RERE: variants seen among roughly 807,000 people sequenced by gnomAD.
The protein encoded by RERE is arginine-glutamic acid dipeptide repeats protein.
In RERE, 40 loss-of-function variants were observed where a neutral mutation model predicts 146.1. That is an observed-to-expected ratio of 0.27 (90% CI 0.21 to 0.36). RERE has a LOEUF of 0.36. Among genes scored for constraint, RERE ranks in the 10% least tolerant of loss-of-function variants. The pLI is 1.00. For missense variants in RERE, 1,933 were observed against 2,138.7 expected, an observed-to-expected ratio of 0.90 and a Z score of 1.90; for synonymous variants, 1,003 against 866.0, an observed-to-expected ratio of 1.16 and a Z score of -2.78.
chr1:8,787,698 G>A (rs749940473), intron 1 of RERE, among the ~76,000 whole-genome samples: 1 of 151,886 alleles, frequency 6.6e-6, no homozygotes, highest in South Asian at 2.1e-4. Flanking sequence ...AGGCGTCGTG[G>A]TGGGTGCCTG....
chr1:8,796,003 AC>A lies in RERE; in HGVS notation c.-145+21156del, dbSNP rs1341331198. On this transcript the variant is annotated intron_variant, in intron 1 of 22. Transcript: ENST00000400908. ...GTCTCAAAAAAAAAAAAAAAACAAA[AC>A]AAAACAGGAATTATGTAGCATATAT... 2.7e-3 allele frequency among the ~76,000 whole-genome samples: 411 copies of A among 149,908 alleles called. 27 individuals are homozygous for A. Among genetic ancestry groups the A allele is most frequent in the African/African-American group, 7.3e-3 (296 of 40,426 alleles).
At position 8,581,885 on chromosome 1, in the gene RERE, T is replaced by A. The variant is rs923226533; in HGVS notation, c.523-24362A>T. Among the ~76,000 whole-genome samples, 4 of 152,268 alleles carry A rather than the reference T, an allele frequency of 2.6e-5. No homozygotes were observed. The South Asian group carries it at 8.3e-4, about 32-fold the overall frequency. ...ATATTTACATGAAACAAAATATTGG[T>A]GTAATAGGTACATAGAGATTTTTTT... On this transcript the variant is annotated intron_variant, in intron 4 of 22. Transcript: ENST00000400908.
At chr1:8,759,848 C>CACACACACACACACAT (rs1426373903) in intron 1 of RERE, among the ~76,000 whole-genome samples, 3 of 151,054 alleles carry the variant, frequency 2.0e-5, no homozygotes, top group Non-Finnish European at 3.0e-5. Flanking sequence ...TACACACACA[C>CACACACACACACACAT]ACACACACAC....
intron 1 of RERE, among the ~76,000 whole-genome samples, chr1:8,728,168 C>G (rs1284568007): frequency 2.0e-5 from 3 of 152,222 alleles, no homozygotes; most frequent in African/African-American, 7.2e-5. Context: ...CAACCAAGAC[C>G]TGCGGTAGCT....
intron 1 of RERE, among the ~76,000 whole-genome samples, chr1:8,704,438 C>T (rs1205185086): frequency 3.3e-5 from 5 of 152,216 alleles, no homozygotes; most frequent in Admixed American, 1.3e-4. Flanking sequence ...TTCACTATTA[C>T]ACCTTTCCCC....
chr1:8,672,621 G>A (rs535570451), intron 1 of RERE, among the ~76,000 whole-genome samples: 101 of 152,284 alleles, frequency 6.6e-4, no homozygotes, highest in Middle Eastern at 6.8e-3. Flanking sequence ...GTGGAAAAAG[G>A]AAACTATGAA....
At chr1:8,427,800 G>A (rs1231754949) in intron 11 of RERE, among the ~76,000 whole-genome samples, 3 of 152,058 alleles carry the variant, frequency 2.0e-5, no homozygotes, top group Non-Finnish European at 2.9e-5. Context: ...CCTGAAAATC[G>A]AAACAAAGAC....
chr1:8,410,662 C>T (rs984428296), intron 12 of RERE, among the ~76,000 whole-genome samples: 10 of 152,182 alleles, frequency 6.6e-5, no homozygotes, highest in African/African-American at 1.9e-4. Context: ...GGACTTCCTT[C>T]GGCAAGGCCT....
At position 8,364,270 on chromosome 1, in the gene RERE, T is replaced by G; in HGVS notation, c.1541-15A>C. ...ATCTTTGGAGGCTGTGTGAGGGAAG[T>G]GGTGGGGGCCAACCTTGGAAACCAT... On this transcript the variant is annotated splice_polypyrimidine_tract_variant and intron_variant, in intron 14 of 22. Transcript: ENST00000400908. The surrounding 1 kb of genome is among the most constrained non-coding windows in gnomAD (Gnocchi z 5.1). 6.2e-7 allele frequency: 1 copy of G among 1,612,640 alleles called. No individual in the cohort carries two copies. Among genetic ancestry groups the G allele is most frequent in the Non-Finnish European group, 8.5e-7 (1 of 1,178,812 alleles).
rs76839646 is a variant in RERE at position 8,409,194 on chromosome 1, C to G, written c.1284+13533G>C. On this transcript the variant is annotated intron_variant, in intron 12 of 22. Coordinates refer to ENST00000400908, the MANE Select transcript of RERE (RefSeq NM_001042681.2). The stretch of plus-strand genomic sequence containing the variant: ...CTCAAAACCAGCAGAGGGAGTACAA[C>G]GTTTGAGAAGAGGAATGGCCAACCC... 2.6e-5 allele frequency among the ~76,000 whole-genome samples: 4 copies of G among 152,290 alleles called. No individual in the cohort carries two copies. The East Asian group carries it at 7.7e-4, about 29-fold the overall frequency.
chr1:8,524,498 G>T (rs1471033373), intron 7 of RERE, among the ~76,000 whole-genome samples: 1 of 152,124 alleles, frequency 6.6e-6, no homozygotes, highest in East Asian at 1.9e-4. Context: ...ATTTCTCCTT[G>T]TATCAATGCA....
intron 10 of RERE, among the ~76,000 whole-genome samples, chr1:8,475,407 G>T (rs1644743316): frequency 6.7e-6 from 1 of 148,482 alleles, no homozygotes; most frequent in Non-Finnish European, 1.5e-5. Flanking sequence ...GCTGGGCGTG[G>T]TGGCTCACAC....
rs543972983 is a variant in RERE at position 8,756,519 on chromosome 1, C to G, written c.-145+60641G>C. 1.9e-4 allele frequency among the ~76,000 whole-genome samples: 29 copies of G among 152,130 alleles called. 1 individual carries two copies. The South Asian group carries it at 5.8e-3, about 30-fold the overall frequency. On this transcript the variant is annotated intron_variant, in intron 1 of 22. Transcript: ENST00000400908. ...AATTCAGTACAATCAAAATGAGAAC[C>G]ATATTTCTGTTTAACTTTATGCATC...
chr1:8,753,083 G>C (rs1640570863), intron 1 of RERE, among the ~76,000 whole-genome samples: 2 of 152,166 alleles, frequency 1.3e-5, no homozygotes, highest in African/African-American at 4.8e-5. Context: ...CTGTGCTTCA[G>C]CAAGAGGTTA....
At chr1:8,360,072 C>A in intron 18 of RERE, 40 bp downstream of exon 18, 3 of 1,584,194 alleles carry the variant, frequency 1.9e-6, no homozygotes, top group Non-Finnish European at 2.6e-6. Flanking sequence ...CCCACCAGCC[C>A]ACCTGTGCCT....
At chr1:8,432,147 C>G (rs1346034687) in intron 11 of RERE, among the ~76,000 whole-genome samples, 1 of 152,166 alleles carries the variant, frequency 6.6e-6, no homozygotes, top group Non-Finnish European at 1.5e-5. Context: ...TGTGACAATT[C>G]CTAGTACGTC....
At chr1:8,604,726 T>G (rs74050243) in intron 4 of RERE, among the ~76,000 whole-genome samples, 2,804 of 149,980 alleles carry the variant, frequency 0.019, 127 homozygotes, top group African/African-American at 0.067. Flanking sequence ...TCTGTATTTC[T>G]CTACATTACA....
chr1:8,748,614 C>T (rs1034973237), intron 1 of RERE, among the ~76,000 whole-genome samples: 2 of 152,214 alleles, frequency 1.3e-5, no homozygotes, highest in Admixed American at 6.5e-5. Flanking sequence ...AGTATGCATG[C>T]ATTAATTCCA....
chr1:8,491,498 G>A (rs1644979559), intron 10 of RERE, among the ~76,000 whole-genome samples: 1 of 151,548 alleles, frequency 6.6e-6, no homozygotes, highest in South Asian at 2.1e-4. Context: ...GCACACCTAT[G>A]GTACCAGCTA....
Sources: gnomAD v4.1 joint callset for allele counts (sites outside exome capture counted in the v4.1 genomes callset) on GRCh38, gnomAD v4.1.1 for gene constraint, Gnocchi (gnomAD v3.1) non-coding constraint, MANE v1.5 for transcripts, NCBI Gene and HGNC (gene_info 2026-07-23, HGNC 2026-07-21) for gene names.